PDXDC1: variants seen among roughly 807,000 people sequenced by gnomAD.
The protein encoded by PDXDC1 is pyridoxal-dependent decarboxylase domain-containing protein 1.
A neutral mutation model predicts 100.1 loss-of-function variants in PDXDC1; 42 were observed. The ratio of observed to expected loss-of-function variants is 0.42; its 90% confidence interval spans 0.33 to 0.54. The LOEUF (loss-of-function observed/expected upper bound fraction) is 0.54. Ranked by LOEUF, PDXDC1 falls within the 20% of genes least tolerant of loss-of-function variation. The pLI is 0.10. For synonymous variants in PDXDC1, 260 were observed against 371.7 expected, an observed-to-expected ratio of 0.70 and a Z score of 3.46; for missense variants, 636 against 979.2, an observed-to-expected ratio of 0.65 and a Z score of 4.68.
chr16:15,030,250 A>C (rs1188867254), intron 16 of PDXDC1, among the ~76,000 whole-genome samples, 194 bp downstream of exon 16: 7 of 152,270 alleles, frequency 4.6e-5, no homozygotes, highest in East Asian at 1.9e-4. Context: ...AGAATTCAGA[A>C]GTCACCTGAA....
chr16:15,027,059 C>T (rs1375058066), intron 14 of PDXDC1, among the ~76,000 whole-genome samples: 5 of 152,296 alleles, frequency 3.3e-5, no homozygotes, highest in African/African-American at 1.2e-4. Context: ...CAAGTGCCAC[C>T]AGTCTAGTCC....
In PDXDC1 at chr16:15,038,218, C is replaced by A. The variant is rs764653350; in HGVS notation, c.*1943C>A. On this transcript the variant is annotated 3_prime_UTR_variant, in exon 23 of 23. Transcript: ENST00000396410. ...AGGCGAAGTGGAAAGATTCTGAAAA[C>A]ACAAGATGGTGGGCATTAGAGAAGC... 2 of 1,610,422 alleles carry A rather than the reference C, an allele frequency of 1.2e-6. No homozygotes were observed. Among genetic ancestry groups the A allele is most frequent in the South Asian group, 2.2e-5 (2 of 90,444 alleles).
chr16:15,142,149 T>G (rs1420062329), downstream of PDXDC1, among the ~76,000 whole-genome samples: 2 of 152,094 alleles, frequency 1.3e-5, no homozygotes, highest in African/African-American at 2.4e-5. Flanking sequence ...CCACACCTCA[T>G]TTTCTGGAAA....
At chr16:15,088,443 G>A (rs141613969) in intron 16 of PDXDC1, among the ~76,000 whole-genome samples, 3 of 152,268 alleles carry the variant, frequency 2.0e-5, no homozygotes, top group Non-Finnish European at 4.4e-5. Context: ...ACTCCAGCCC[G>A]GGTGACAGAG....
Position 15,130,797 on chromosome 16 carries a change from G to A in PDXDC1, c.1400-8082G>A, listed in dbSNP as rs757953903. On this transcript the variant is annotated intron_variant, in intron 16 of 16. Transcript: ENST00000535621. Reference sequence around the variant, plus strand: ...TTCCTCAGACAGGTAGCGGCCTGGGGCAGAACGCGCAGGTCACACGCCTGC... The same window carrying A: ...TTCCTCAGACAGGTAGCGGCCTGGGACAGAACGCGCAGGTCACACGCCTGC... 1.6e-5 allele frequency: 15 copies of A among 955,686 alleles called. No homozygotes were observed. The African/African-American group carries it at 1.9e-4, about 12-fold the overall frequency. The allele number at this position is 955,686 out of a possible 1,614,324, so 59.2% of individuals were successfully genotyped here. A position where few individuals can be genotyped will look rare whatever the true frequency, so the allele number is the denominator to read the frequency against.
chr16:15,035,675 C>A, intron 22 of PDXDC1, 122 bp downstream of exon 22: 1 of 609,246 alleles, frequency 1.6e-6, no homozygotes, highest in South Asian at 2.1e-5. Flanking sequence ...CTACTACCAT[C>A]TCTTTAACCA....
rs1273194226 is a variant in PDXDC1 at position 15,036,180 on chromosome 16, C to T, written c.2272C>T (p.Pro758Ser). The T allele has an allele frequency of 6.2e-7, 1 of 1,614,108 alleles. No individual in the cohort carries two copies. Among genetic ancestry groups the T allele is most frequent in the East Asian group, 2.2e-5 (1 of 44,872 alleles). The change falls in exon 23 of 23, where the codon CCT (proline) becomes TCT (serine). Residue 758 changes from proline to serine, a missense_variant. Physicochemically the swap from Pro to Ser is moderately conservative, Grantham distance 74. Coordinates refer to ENST00000396410, the MANE Select transcript of PDXDC1 (RefSeq NM_015027.4). ...TGAGGGACACCCAGGGGCTCCCAGC[C>T]CTCAGCACACCGACCAGACCGAGGC... The part of the protein sequence containing the change: ...STEGHPGAPS[P>S]QHTDQTEAFQ...
In PDXDC1 at chr16:15,031,780, T is replaced by C. The variant is rs373009486; in HGVS notation, c.1445T>C (p.Ile482Thr). The C allele has an allele frequency of 2.5e-6, 4 of 1,613,932 alleles. No individual in the cohort carries two copies. The African/African-American group carries it at 5.3e-5, about 22-fold the overall frequency. The change falls in exon 17 of 23, where the codon ATA becomes ACA. Residue 482 changes from isoleucine to threonine, a missense_variant. Transcript: ENST00000396410. ...GEDVDQLVAC[I>T]ESKLPVLCCT... Reference sequence around the variant, plus strand: ...GATGTGGATCAGCTCGTAGCCTGCATAGAAAGCAAACTGCCAGTGCTGTGC... The same window carrying C: ...GATGTGGATCAGCTCGTAGCCTGCACAGAAAGCAAACTGCCAGTGCTGTGC...
chr16:15,071,961 CTT>C, intron 16 of PDXDC1, among the ~76,000 whole-genome samples: 1 of 152,252 alleles, frequency 6.6e-6, no homozygotes, highest in Middle Eastern at 3.4e-3. Context: ...TGCAAAGCAC[CTT>C]CCGGTCTCTG....
In PDXDC1 at chr16:15,136,847, G is replaced by A. The variant is rs974196537; in HGVS notation, c.1400-2032G>A. ...ATCTGGATGGCCCTGGGGAGGAAGG[G>A]GAGTGGGCAGCAGACACTCACCTCG... On this transcript the variant is annotated intron_variant, in intron 16 of 16. Transcript: ENST00000535621. 5 of 1,257,068 alleles carry A rather than the reference G, an allele frequency of 4.0e-6. No homozygotes were observed. In the African/African-American group the frequency reaches 5.9e-5, roughly 15 times the overall value. 77.9% of individuals were successfully genotyped at this position (1,257,068 alleles called of 1,614,324 possible). A position where few individuals can be genotyped will look rare whatever the true frequency, so the allele number is the denominator to read the frequency against.
chr16:15,035,993 C>T (rs369029259), intron 22 of PDXDC1, 23 bp from the exon 23 acceptor site: 10 of 1,593,098 alleles, frequency 6.3e-6, no homozygotes, highest in Admixed American at 1.8e-5. Context: ...AGTTTCAGCG[C>T]AGTCTGTCTG....
intron 16 of PDXDC1, chr16:15,083,844 A>C: frequency 2.9e-6 from 1 of 349,270 alleles, no homozygotes; most frequent in Admixed American, 4.5e-5. Flanking sequence ...AACCTCCCAA[A>C]CAGCTGGGAT....
At chr16:14,992,685 G>C (rs1323383604) in intron 1 of PDXDC1, among the ~76,000 whole-genome samples, 3 of 152,292 alleles carry the variant, frequency 2.0e-5, no homozygotes, top group African/African-American at 7.2e-5. Flanking sequence ...GTGGGAGCCA[G>C]TGTGATATAA....
chr16:15,098,019 C>A (rs2046418680), intron 16 of PDXDC1, among the ~76,000 whole-genome samples: 1 of 143,082 alleles, frequency 7.0e-6, no homozygotes, highest in Non-Finnish European at 1.5e-5. Context: ...TCCCGCCGTC[C>A]TCCCACCTCG....
chr16:15,111,053 G>A (rs184341954), intron 16 of PDXDC1, among the ~76,000 whole-genome samples: 28 of 148,792 alleles, frequency 1.9e-4, no homozygotes, highest in African/African-American at 6.8e-4. Flanking sequence ...GTTTGAAGCT[G>A]GGAGGCGGAG....
At chr16:15,053,353 CTTATTG>C (rs887468307) in intron 16 of PDXDC1, among the ~76,000 whole-genome samples, 2 of 152,180 alleles carry the variant, frequency 1.3e-5, no homozygotes, top group Non-Finnish European at 2.9e-5. Flanking sequence ...CACTGTATGA[CTTATTG>C]TTATTATTTG....
chr16:15,131,324 C>A lies in PDXDC1; in HGVS notation c.1400-7555C>A, dbSNP rs773824014. On this transcript the variant is annotated intron_variant, in intron 16 of 16. Transcript: ENST00000535621. ...GCCTGTGTCTGGAACGCCATCGAGG[C>A]CACCTTGGTGGAGACGGTGTAGTTG... 5.1e-6 allele frequency: 8 copies of A among 1,565,494 alleles called. No individual in the cohort carries two copies. In the South Asian group the frequency reaches 7.8e-5, roughly 15 times the overall value.
chr16:15,048,606 T>C (rs577483614), intron 16 of PDXDC1, among the ~76,000 whole-genome samples: 1 of 152,258 alleles, frequency 6.6e-6, no homozygotes, highest in South Asian at 2.1e-4. Context: ...AGTGGATGGA[T>C]GGCTCTGAAA....
At chr16:15,021,576 G>A (rs1391871921) in intron 12 of PDXDC1, among the ~76,000 whole-genome samples, 4 of 152,286 alleles carry the variant, frequency 2.6e-5, no homozygotes, top group Non-Finnish European at 5.9e-5. Flanking sequence ...GCTATGGAGT[G>A]CGGGAGAATG....
Sources: gnomAD v4.1 joint callset for allele counts (sites outside exome capture counted in the v4.1 genomes callset) on GRCh38, gnomAD v4.1.1 for gene constraint, MANE v1.5 for transcripts, NCBI Gene and HGNC (gene_info 2026-07-23, HGNC 2026-07-21) for gene names.